Variants in UBE2D2 observed in about 807,000 individuals in gnomAD.
UBE2D2 encodes the protein ubiquitin-conjugating enzyme E2 D2.
UBE2D2 carries 2 observed loss-of-function variants against 24.2 expected under a neutral mutation model. The ratio of observed to expected loss-of-function variants is 0.08; its 90% CI spans 0.03 to 0.26. The LOEUF is 0.26. Ranked by LOEUF, UBE2D2 falls within the 10% of genes least tolerant of loss-of-function variation. The pLI, the probability that UBE2D2 is intolerant of heterozygous loss-of-function variation, is 1.00. For missense variants in UBE2D2, 44 were observed against 177.6 expected (o/e 0.25, Z 4.28); for synonymous variants, 58 against 56.5 (o/e 1.03, Z -0.12).
At chr5:139,564,886 T>A (rs1300454376) in intron 1 of UBE2D2, among the ~76,000 whole-genome samples, 2 of 152,192 alleles carry the variant, frequency 1.3e-5, no homozygotes, top group Non-Finnish European at 2.9e-5. Context: ...GGTATACCAC[T>A]CAAAAAGATT....
chr5:139,626,979 A>G lies in UBE2D2; in HGVS notation c.*178A>G, dbSNP rs1319051861. The G allele has an allele frequency of 1.8e-6, 1 of 569,072 alleles. No homozygotes were observed. The highest frequency in any genetic ancestry group is 1.9e-5 in the African/African-American group (1 of 52,902). 35.3% of individuals were successfully genotyped at this position (569,072 alleles called of 1,614,324 possible). ...ACATACTTGGAACAACAAACTAGAA[A>G]TACTGTACTTCTGTACCAACATTGC... is the stretch of plus-strand genomic sequence containing the variant. On this transcript the variant is annotated 3_prime_UTR_variant, in exon 7 of 7. Transcript: ENST00000398733.
At chr5:139,550,434 C>A (rs112593486) in intron 1 of UBE2D2, among the ~76,000 whole-genome samples, 3 of 152,074 alleles carry the variant, frequency 2.0e-5, no homozygotes, top group African/African-American at 7.2e-5. Context: ...GACCAATCAG[C>A]GCTCTGTAAA....
chr5:139,528,145 G>C (rs1752561229), intron 1 of UBE2D2, among the ~76,000 whole-genome samples: 1 of 152,180 alleles, frequency 6.6e-6, no homozygotes, highest in Admixed American at 6.5e-5. Context: ...AGTATTCCTT[G>C]GAGACCTGAA....
At chr5:139,562,150 C>G in intron 1 of UBE2D2, 1 of 1,298,386 alleles carries the variant, frequency 7.7e-7, no homozygotes, top group African/African-American at 1.5e-5. Context: ...GGGTTGGGGC[C>G]GAGGGGGGCG....
At chr5:139,562,081 C>G in intron 1 of UBE2D2, 1 of 898,790 alleles carries the variant, frequency 1.1e-6, no homozygotes, top group Non-Finnish European at 1.6e-6. Flanking sequence ...ACTCTTAGGG[C>G]TTCTCTCCAG....
chr5:139,542,240 A>C (rs969787509), intron 1 of UBE2D2, among the ~76,000 whole-genome samples: 1 of 152,198 alleles, frequency 6.6e-6, no homozygotes, highest in Admixed American at 6.6e-5. Flanking sequence ...AGTGATAGTT[A>C]TTCCTGGGAA....
chr5:139,546,906 T>A (rs1052546105), intron 1 of UBE2D2, among the ~76,000 whole-genome samples: 27 of 151,844 alleles, frequency 1.8e-4, no homozygotes, highest in Middle Eastern at 3.4e-3. Flanking sequence ...TTTCTTTCTT[T>A]TTTTTTGACA....
chr5:139,571,976 A>T (rs535858530), intron 1 of UBE2D2, among the ~76,000 whole-genome samples: 10 of 151,520 alleles, frequency 6.6e-5, no homozygotes, highest in Non-Finnish European at 1.2e-4. Context: ...TCCCTCTTCC[A>T]TAAGAGCTAC....
rs527436425 is a variant in UBE2D2, at chr5:139,594,705, C to T, written c.25-5667C>T. ...CTGGGATTACAGGTGTGAGCCACCGCACCCGGTCAATAATCTTTTTATAAA... is the reference window on the plus strand; with the variant it reads ...CTGGGATTACAGGTGTGAGCCACCGTACCCGGTCAATAATCTTTTTATAAA... On this transcript the variant is annotated intron_variant, in intron 1 of 6. Transcript: ENST00000398733. Among the ~76,000 whole-genome samples the T allele has an allele frequency of 4.3e-4, 65 of 152,246 alleles. 1 individual carries two copies. Among genetic ancestry groups the T allele is most frequent in the African/African-American group, 1.0e-3 (42 of 41,558 alleles).
At chr5:139,545,458 G>A (rs1450083265) in intron 1 of UBE2D2, among the ~76,000 whole-genome samples, 1 of 145,508 alleles carries the variant, frequency 6.9e-6, no homozygotes, top group African/African-American at 2.6e-5. Flanking sequence ...GTGGAGTCTC[G>A]CTCTGTTGCC....
At chr5:139,532,193 G>C (rs1752606107) in intron 1 of UBE2D2, among the ~76,000 whole-genome samples, 1 of 150,264 alleles carries the variant, frequency 6.7e-6, no homozygotes, top group Admixed American at 6.6e-5. Context: ...TTTTTTGGGG[G>C]GGACAGAGTC....
At chr5:139,561,160 C>T (rs565128733), upstream of UBE2D2, 1 of 152,704 alleles carries the variant, frequency 6.5e-6, no homozygotes, top group Non-Finnish European at 1.5e-5. Context: ...GAGATCTCCG[C>T]CCAGGGCTTC....
rs147897741 is a variant in UBE2D2, at chr5:139,554,489, G to A, written c.-64+27877G>A. On this transcript the variant is annotated intron_variant, in intron 1 of 6. Coordinates refer to the UBE2D2 transcript ENST00000511725. The stretch of plus-strand genomic sequence containing the variant: ...TATCATTTTGAGATCCACCCATGTT[G>A]AGTGTATCAATAGTTTGACCTGTTG... 4.5e-4 allele frequency among the ~76,000 whole-genome samples: 69 copies of A among 152,298 alleles called. 2 individuals are homozygous for A. In the East Asian group the frequency reaches 0.012, roughly 26 times the overall value.
chr5:139,597,841 A>C (rs1057402904), intron 1 of UBE2D2, among the ~76,000 whole-genome samples: 2 of 152,226 alleles, frequency 1.3e-5, no homozygotes, highest in African/African-American at 4.8e-5. Flanking sequence ...TAAAATCTAA[A>C]ATTTGAGATA....
intron 2 of UBE2D2, among the ~76,000 whole-genome samples, chr5:139,603,623 GAAA>G (rs1169340176): frequency 1.6e-3 from 59 of 37,210 alleles, no homozygotes; most frequent in African/African-American, 6.4e-3. Flanking sequence ...CTCTGTCTCC[GAAA>G]AAAAAAAAAA....
intron 1 of UBE2D2, among the ~76,000 whole-genome samples, chr5:139,593,529 AT>A (rs1369878005): frequency 1.3e-5 from 2 of 151,954 alleles, no homozygotes; most frequent in African/African-American, 4.8e-5. Flanking sequence ...ATACATTGTT[AT>A]ATATACATTG....
intron 1 of UBE2D2, among the ~76,000 whole-genome samples, chr5:139,546,460 G>A (rs983583828): frequency 6.6e-6 from 1 of 152,154 alleles, no homozygotes; most frequent in Non-Finnish European, 1.5e-5. Context: ...TGGGATTACT[G>A]GCGTGAGCCG....
At chr5:139,589,651 GTGATTTATT>G in intron 1 of UBE2D2, among the ~76,000 whole-genome samples, 1 of 152,308 alleles carries the variant, frequency 6.6e-6, no homozygotes, top group East Asian at 1.9e-4. Flanking sequence ...TTAGAAAGTA[GTGATTTATT>G]TAGAAGAAAA....
chr5:139,584,473 T>G (rs957892020), intron 1 of UBE2D2, among the ~76,000 whole-genome samples: 7 of 151,612 alleles, frequency 4.6e-5, no homozygotes, highest in Non-Finnish European at 1.0e-4. Context: ...AAGAAACTCC[T>G]TGTTCTCTCG....
Sources: allele counts gnomAD v4.1 joint callset (sites outside exome capture counted in the v4.1 genomes callset), GRCh38; gene constraint gnomAD v4.1.1; transcripts MANE v1.5; gene names NCBI Gene and HGNC (gene_info 2026-07-23, HGNC 2026-07-21).